RGS6: variants seen among roughly 807,000 people sequenced by gnomAD.
RGS6 encodes regulator of G protein signaling 6.
A neutral mutation model predicts 78.5 loss-of-function variants in RGS6; 30 were observed. That is an observed-to-expected ratio of 0.38 (90% CI 0.29 to 0.52). The LOEUF (loss-of-function observed/expected upper bound fraction) is 0.52. RGS6 is among the 20% of genes least tolerant of loss of function. RGS6 has a pLI of 0.85. For missense variants in RGS6, 495 were observed against 609.7 expected (o/e 0.81, Z 1.98); for synonymous variants, 206 against 206.0 (o/e 1.00, Z 0.00).
In RGS6 at chr14:72,125,916, A is replaced by G. The variant is rs58694546; in HGVS notation, c.84+161041A>G. On this transcript the variant is annotated intron_variant, in intron 2 of 17. Coordinates refer to ENST00000553525, the MANE Select transcript of RGS6 (RefSeq NM_001204424.2). ...CAAGTTCCTATAAAACAATGTAAGC[A>G]ACTGTTACCATGATGACCTATACAT... 6.3e-3 allele frequency among the ~76,000 whole-genome samples: 955 copies of G among 152,312 alleles called. 10 individuals carry two copies. Among genetic ancestry groups the G allele is most frequent in the African/African-American group, 0.021 (882 of 41,564 alleles).
downstream of RGS6, among the ~76,000 whole-genome samples, chr14:72,570,688 C>G (rs931818444): frequency 2.0e-5 from 3 of 152,062 alleles, no homozygotes; most frequent in Non-Finnish European, 2.9e-5. Flanking sequence ...GGAACAGACC[C>G]CAGGGACATG....
chr14:72,440,904 G>A (rs369725751), intron 3 of RGS6, among the ~76,000 whole-genome samples: 11 of 152,102 alleles, frequency 7.2e-5, no homozygotes, highest in South Asian at 4.1e-4. Flanking sequence ...ATGCACATGC[G>A]CAGGTGTGTA....
chr14:72,223,528 C>T (rs2238234), intron 2 of RGS6, among the ~76,000 whole-genome samples: 10,202 of 152,268 alleles, frequency 0.067, 508 homozygotes, highest in East Asian at 0.32. Context: ...AGAACACTTA[C>T]TGGTTGTGGA....
chr14:72,100,078 T>C (rs2095496453), intron 2 of RGS6, among the ~76,000 whole-genome samples: 1 of 152,090 alleles, frequency 6.6e-6, no homozygotes, highest in Non-Finnish European at 1.5e-5. Flanking sequence ...GGAGAGTTGC[T>C]TGGGGCTTGA....
chr14:72,235,188 C>T (rs771239431), intron 2 of RGS6, among the ~76,000 whole-genome samples: 8 of 152,084 alleles, frequency 5.3e-5, no homozygotes, highest in South Asian at 2.1e-4. Context: ...TAGGAGTATG[C>T]GTGGATTGAA....
At chr14:72,218,889 C>T (rs1012438315) in intron 2 of RGS6, among the ~76,000 whole-genome samples, 3 of 152,118 alleles carry the variant, frequency 2.0e-5, no homozygotes, top group South Asian at 2.1e-4. Context: ...GGATTACAAG[C>T]GTGAGCCACT....
chr14:72,610,682 C>T, the RGS6 span, among the ~76,000 whole-genome samples: 8 of 152,168 alleles, frequency 5.3e-5, no homozygotes, highest in Non-Finnish European at 2.9e-5. Flanking sequence ...CTGATGAGAC[C>T]GTGTTCTCAG....
intron 2 of RGS6, among the ~76,000 whole-genome samples, chr14:72,204,317 A>G (rs1461104140): frequency 2.0e-5 from 3 of 152,212 alleles, no homozygotes; most frequent in Non-Finnish European, 4.4e-5. Context: ...GAAGCAAGTC[A>G]CCAAACATAG....
At chr14:72,475,830 G>GCGCACT (rs113920568) in intron 10 of RGS6, among the ~76,000 whole-genome samples, 1 of 145,606 alleles carries the variant, frequency 6.9e-6, no homozygotes, top group African/African-American at 2.6e-5. Context: ...AAAAATACAC[G>GCGCACT]CACACACACA....
intron 2 of RGS6, among the ~76,000 whole-genome samples, chr14:72,061,436 C>T (rs890825500): frequency 6.6e-6 from 1 of 152,092 alleles, no homozygotes; most frequent in African/African-American, 2.4e-5. Flanking sequence ...GATGTGTTTG[C>T]ATAATGAAGA....
intron 3 of RGS6, among the ~76,000 whole-genome samples, chr14:72,452,638 C>T (rs1434943747): frequency 6.6e-6 from 1 of 152,252 alleles, no homozygotes; most frequent in African/African-American, 2.4e-5. Flanking sequence ...CAGGAGAGTT[C>T]TTGGCACATC....
At chr14:71,973,101 T>A (rs970898395) in intron 2 of RGS6, among the ~76,000 whole-genome samples, 8 of 152,222 alleles carry the variant, frequency 5.3e-5, no homozygotes, top group African/African-American at 1.9e-4. Context: ...CTACTTTTTG[T>A]TAAGTCTAGT....
At chr14:71,997,082 A>G (rs944333886) in intron 2 of RGS6, among the ~76,000 whole-genome samples, 1 of 150,652 alleles carries the variant, frequency 6.6e-6, no homozygotes. Flanking sequence ...CAATCTTGAG[A>G]GATGGTGGTG....
intron 3 of RGS6, among the ~76,000 whole-genome samples, chr14:72,423,969 G>A (rs2094324548): frequency 6.6e-6 from 1 of 152,162 alleles, no homozygotes; most frequent in Admixed American, 6.5e-5. Flanking sequence ...CTGGGGTTGT[G>A]ATAAGCAAAA....
intron 2 of RGS6, among the ~76,000 whole-genome samples, chr14:71,987,669 A>G (rs111310701): frequency 3.9e-4 from 59 of 152,070 alleles, no homozygotes; most frequent in African/African-American, 1.3e-3. Flanking sequence ...ACAGGCATGC[A>G]CCACCACACC....
At chr14:71,937,811 C>G (rs2089755614) in intron 1 of RGS6, among the ~76,000 whole-genome samples, 1 of 152,224 alleles carries the variant, frequency 6.6e-6, no homozygotes, top group Admixed American at 6.5e-5. Context: ...GAGGACAAAC[C>G]TCTGCCCTTT....
chr14:72,014,308 A>G (rs1195920669), intron 2 of RGS6, among the ~76,000 whole-genome samples: 1 of 152,240 alleles, frequency 6.6e-6, no homozygotes, highest in Admixed American at 6.5e-5. Flanking sequence ...GCTGTCTTCA[A>G]AGTAGTGACC....
chr14:72,161,943 C>A (rs780914319), intron 2 of RGS6, among the ~76,000 whole-genome samples: 21 of 152,260 alleles, frequency 1.4e-4, no homozygotes, highest in Non-Finnish European at 2.8e-4. Flanking sequence ...GGGTATTTGA[C>A]TTCAAATCAT....
chr14:71,959,598 G>A (rs188265961), intron 1 of RGS6, among the ~76,000 whole-genome samples: 1 of 151,690 alleles, frequency 6.6e-6, no homozygotes, highest in Non-Finnish European at 1.5e-5. Context: ...GGTAATTGTA[G>A]TTGGTTCTCC....
Sources: allele counts gnomAD v4.1 joint callset (sites outside exome capture counted in the v4.1 genomes callset), GRCh38; gene constraint gnomAD v4.1.1; transcripts MANE v1.5; gene names NCBI Gene and HGNC (gene_info 2026-07-23, HGNC 2026-07-21).